The following UBAC2 variants were observed in gnomAD, a reference collection of about 807,000 sequenced individuals.
UBAC2 encodes the protein UBA domain containing 2, also known as ubiquitin-associated domain-containing protein 2.
Under a neutral mutation model 44.0 loss-of-function variants are expected in UBAC2, and 26 were observed. The ratio of observed to expected loss-of-function variants is 0.59; its 90% CI spans 0.43 to 0.82. The LOEUF is 0.82. Ranked by LOEUF, UBAC2 falls within the 40% of genes least tolerant of loss-of-function variation. The probability of loss-of-function intolerance (pLI) is 0.00; values close to 1 mark genes in which losing one functional copy is unlikely to be tolerated. For missense variants in UBAC2, 329 were observed against 419.4 expected, an observed-to-expected ratio of 0.78 and a Z score of 1.88; for synonymous variants, 155 against 154.3, an observed-to-expected ratio of 1.00 and a Z score of -0.04.
chr13:99,318,109 T>C (rs774394516), intron 6 of UBAC2, 40 bp downstream of exon 6: 2 of 1,551,448 alleles, frequency 1.3e-6, no homozygotes, highest in Non-Finnish European at 1.8e-6. Flanking sequence ...TCTCTCTCTC[T>C]CCTGTAAAAA....
At position 99,353,109 on chromosome 13, in the gene UBAC2, G is replaced by A. The variant is rs375759290; in HGVS notation, c.807+12544G>A. 3.7e-3 allele frequency among the ~76,000 whole-genome samples: 571 copies of A among 152,326 alleles called. 6 individuals are homozygous for A. Among genetic ancestry groups the A allele is most frequent in the South Asian group, 0.011 (51 of 4,832 alleles). On this transcript the variant is annotated intron_variant, in intron 7 of 8. Coordinates refer to ENST00000403766, the MANE Select transcript of UBAC2 (RefSeq NM_001144072.2). The stretch of plus-strand genomic sequence containing the variant: ...GTTGCTATGCTTCCTTGTCAACAAA[G>A]CAGTCTAATCAGTTAAAGCTAGTTC...
intron 7 of UBAC2, among the ~76,000 whole-genome samples, chr13:99,342,546 C>T (rs2044907191): frequency 6.6e-6 from 1 of 152,000 alleles, no homozygotes; most frequent in African/African-American, 2.4e-5. Context: ...GATAGGTCGG[C>T]CTAGGTGAGG....
At chr13:99,384,403 G>C (rs55943303) in intron 8 of UBAC2, among the ~76,000 whole-genome samples, 13,843 of 152,258 alleles carry the variant, frequency 0.091, 681 homozygotes, top group East Asian at 0.13. Flanking sequence ...TGGGAAAAAA[G>C]GTTGCAAATA....
rs907890726 is a variant in UBAC2, at chr13:99,353,096, C to T, written c.807+12531C>T. 3.4e-4 allele frequency among the ~76,000 whole-genome samples: 52 copies of T among 152,226 alleles called. 1 individual carries two copies. The highest frequency in any genetic ancestry group is 8.8e-5 in the Non-Finnish European group (6 of 68,040). ...CGATTCTTTTCAAGTTGCTATGCTT[C>T]CTTGTCAACAAAGCAGTCTAATCAG... is the stretch of plus-strand genomic sequence containing the variant. On this transcript the variant is annotated intron_variant, in intron 7 of 8. Transcript: ENST00000403766.
intron 8 of UBAC2, among the ~76,000 whole-genome samples, chr13:99,370,589 C>CA (rs2045392330): frequency 6.6e-6 from 1 of 152,204 alleles, no homozygotes; most frequent in Non-Finnish European, 1.5e-5. Context: ...CCAGAGTGAA[C>CA]AAATGCCACG....
intron 1 of UBAC2, among the ~76,000 whole-genome samples, chr13:99,222,168 T>C (rs916741061): frequency 3.3e-5 from 5 of 152,178 alleles, no homozygotes; most frequent in Non-Finnish European, 7.3e-5. Flanking sequence ...GTTTACATTC[T>C]GATGAAGGAG....
rs889075274 is a variant in UBAC2, at chr13:99,339,303, C to T, written c.562-1017C>T. Among the ~76,000 whole-genome samples, 3 of 152,216 alleles carry T rather than the reference C, an allele frequency of 2.0e-5. No homozygotes were observed. The East Asian group carries it at 5.8e-4, about 29-fold the overall frequency. On this transcript the variant is annotated intron_variant, in intron 6 of 8. Coordinates refer to ENST00000403766, the MANE Select transcript of UBAC2 (RefSeq NM_001144072.2). ...CTTTCTCTGAGGGCTCTCCTGATGTCCCCCGCTGCCCCCAGAGTAGGTTCG... is the reference window on the plus strand; with the variant it reads ...CTTTCTCTGAGGGCTCTCCTGATGTTCCCCGCTGCCCCCAGAGTAGGTTCG...
intron 4 of UBAC2, among the ~76,000 whole-genome samples, chr13:99,292,029 G>C (rs1594093627): frequency 1.3e-5 from 2 of 152,272 alleles, no homozygotes; most frequent in African/African-American, 4.8e-5. Context: ...AAGTCGGCTA[G>C]CATGTAATAA....
chr13:99,361,589 T>C (rs542022355), intron 7 of UBAC2, among the ~76,000 whole-genome samples: 2 of 152,344 alleles, frequency 1.3e-5, no homozygotes, highest in Admixed American at 6.5e-5. Flanking sequence ...TACATACTTA[T>C]CAGGGTTTCT....
At chr13:99,351,871 G>A (rs1340917172) in intron 7 of UBAC2, 2 of 411,950 alleles carry the variant, frequency 4.9e-6, no homozygotes, top group South Asian at 3.4e-5. Flanking sequence ...TATCACCTCT[G>A]TGTTTTGCCT....
Position 99,295,747 on chromosome 13 carries a change from C to T in UBAC2, c.390-18350C>T. Reference sequence around the variant, plus strand: ...TCTTGTTGTAGCGTAGAGGGTGCACCACAGCAATGAAGCGGTCAATACTCA... The same window carrying T: ...TCTTGTTGTAGCGTAGAGGGTGCACTACAGCAATGAAGCGGTCAATACTCA... On this transcript the variant is annotated intron_variant, in intron 4 of 8. Coordinates refer to ENST00000403766, the MANE Select transcript of UBAC2 (RefSeq NM_001144072.2). This position sits in a 1 kb window ranked among gnomAD's most constrained non-coding sequence, Gnocchi z 4.1. The T allele has an allele frequency of 6.2e-7, 1 of 1,614,082 alleles. No homozygotes were observed. The highest frequency in any genetic ancestry group is 8.5e-7 in the Non-Finnish European group (1 of 1,180,016).
At chr13:99,237,955 G>C (rs1000744483) in intron 1 of UBAC2, among the ~76,000 whole-genome samples, 1 of 152,148 alleles carries the variant, frequency 6.6e-6, no homozygotes, top group East Asian at 1.9e-4. Context: ...ACTCTCTCTG[G>C]ATATGATTAT....
intron 6 of UBAC2, among the ~76,000 whole-genome samples, chr13:99,331,313 G>A (rs920101174): frequency 6.6e-6 from 1 of 152,134 alleles, no homozygotes; most frequent in Non-Finnish European, 1.5e-5. Flanking sequence ...AACTTCTCTT[G>A]TATTTAAGCC....
intron 7 of UBAC2, among the ~76,000 whole-genome samples, chr13:99,347,927 C>T (rs937373539): frequency 2.6e-5 from 4 of 152,016 alleles, no homozygotes; most frequent in Admixed American, 6.6e-5. Context: ...CCTCCACATC[C>T]ACAGCTGTCC....
chr13:99,275,391 T>C (rs1265858673), intron 4 of UBAC2, among the ~76,000 whole-genome samples: 1 of 152,234 alleles, frequency 6.6e-6, no homozygotes, highest in Non-Finnish European at 1.5e-5. Flanking sequence ...TTAGTCATTC[T>C]AGCAGATGTG....
Position 99,352,268 on chromosome 13 carries a change from T to C in UBAC2, c.807+11703T>C, listed in dbSNP as rs188383503. Among the ~76,000 whole-genome samples the C allele has an allele frequency of 1.5e-3, 221 of 152,340 alleles. 2 individuals are homozygous for C. The highest frequency in any genetic ancestry group is 5.0e-3 in the African/African-American group (207 of 41,574). On this transcript the variant is annotated intron_variant, in intron 7 of 8. Transcript: ENST00000403766. ...TCGGTGGTTTTTAGTATTTTTTAATTGCACAAATACCGTAATTTGAGAACA... is the reference window on the plus strand; with the variant it reads ...TCGGTGGTTTTTAGTATTTTTTAATCGCACAAATACCGTAATTTGAGAACA...
At chr13:99,221,101 AAC>A (rs1436596397) in intron 1 of UBAC2, among the ~76,000 whole-genome samples, 1 of 152,230 alleles carries the variant, frequency 6.6e-6, no homozygotes, top group Non-Finnish European at 1.5e-5. Flanking sequence ...TTATGGATAG[AAC>A]ATAATTTACC....
chr13:99,370,785 T>G (rs2045395544), intron 8 of UBAC2, among the ~76,000 whole-genome samples: 1 of 152,148 alleles, frequency 6.6e-6, no homozygotes, highest in Non-Finnish European at 1.5e-5. Flanking sequence ...AGACTGATGG[T>G]TTCAGCAGCT....
chr13:99,291,614 A>G (rs61970290), intron 4 of UBAC2, among the ~76,000 whole-genome samples: 4,109 of 152,246 alleles, frequency 0.027, 79 homozygotes, highest in Non-Finnish European at 0.04. Context: ...TGAAATATAA[A>G]ATTATTTCTG....
Sources: allele counts gnomAD v4.1 joint callset (sites outside exome capture counted in the v4.1 genomes callset), GRCh38; gene constraint gnomAD v4.1.1; non-coding constraint Gnocchi (gnomAD v3.1); transcripts MANE v1.5; gene names NCBI Gene and HGNC (gene_info 2026-07-23, HGNC 2026-07-21).